Variants in DAGLA observed in about 807,000 individuals in gnomAD.
DAGLA encodes the protein diacylglycerol lipase-alpha.
DAGLA carries 22 observed loss-of-function variants against 102.6 expected under a neutral mutation model. The ratio of observed to expected loss-of-function variants is 0.21; its 90% CI spans 0.15 to 0.31. The LOEUF (loss-of-function observed/expected upper bound fraction) is 0.31. DAGLA is among the 10% of genes least tolerant of loss of function. The pLI, the probability that DAGLA is intolerant of heterozygous loss-of-function variation, is 1.00. For synonymous variants in DAGLA, 578 were observed against 628.9 expected, an observed-to-expected ratio of 0.92 and a Z score of 1.21; for missense variants, 927 against 1,446.6, an observed-to-expected ratio of 0.64 and a Z score of 5.83.
intron 7 of DAGLA, 101 bp from the exon 8 acceptor site, chr11:61,728,830 C>T: frequency 2.0e-6 from 2 of 1,013,282 alleles, no homozygotes; most frequent in South Asian, 2.7e-5. Flanking sequence ...GGCTTCTCGG[C>T]CTTTGGGAAG....
At chr11:61,737,836 C>A in intron 15 of DAGLA, 81 bp downstream of exon 15, 2 of 1,212,990 alleles carry the variant, frequency 1.6e-6, no homozygotes, top group Non-Finnish European at 2.4e-6. Context: ...CCAGCCCCCG[C>A]ATCTCTCTCA....
At chr11:61,685,269 G>A (rs75618234) in intron 1 of DAGLA, among the ~76,000 whole-genome samples, 1,592 of 152,238 alleles carry the variant, frequency 0.01, 13 homozygotes, top group Middle Eastern at 0.078. Context: ...TGCCTGGTGC[G>A]TAGAGAGATC....
At chr11:61,735,714 C>T in intron 11 of DAGLA, 25 bp from the exon 12 acceptor site, 1 of 1,613,240 alleles carries the variant, frequency 6.2e-7, no homozygotes, top group Non-Finnish European at 8.5e-7. Context: ...TAGCCGCCCC[C>T]TCACCTGTCT....
In DAGLA at chr11:61,726,767, C is replaced by T. The variant is rs73485449; in HGVS notation, c.636+685C>T. Among the ~76,000 whole-genome samples, 396 of 152,356 alleles carry T rather than the reference C, an allele frequency of 2.6e-3. 3 individuals are homozygous for T. Among genetic ancestry groups the T allele is most frequent in the African/African-American group, 9.3e-3 (387 of 41,590 alleles). Reference sequence around the variant, plus strand: ...AGCCAGTGAGGTCAGGAGACCACTCCTCCCTGAGGCAGACAGCAAAGTGCC... The same window carrying T: ...AGCCAGTGAGGTCAGGAGACCACTCTTCCCTGAGGCAGACAGCAAAGTGCC... On this transcript the variant is annotated intron_variant, in intron 6 of 19. Transcript: ENST00000257215.
intron 19 of DAGLA, among the ~76,000 whole-genome samples, chr11:61,742,284 C>G (rs1265197332): frequency 6.6e-6 from 1 of 152,148 alleles, no homozygotes; most frequent in Non-Finnish European, 1.5e-5. Flanking sequence ...TTCACACACT[C>G]TTTGAGGGGT....
In DAGLA at chr11:61,686,259, G is replaced by A. The variant is rs544339827; in HGVS notation, c.-45+5755G>A. Among the ~76,000 whole-genome samples the A allele has an allele frequency of 3.9e-5, 6 of 152,246 alleles. No homozygotes were observed. The East Asian group carries it at 9.6e-4, about 24-fold the overall frequency. On this transcript the variant is annotated intron_variant, in intron 1 of 19. Transcript: ENST00000257215. This position sits in a 1 kb window ranked among gnomAD's most constrained non-coding sequence, Gnocchi z 5.2. ...GGGCCAGGAAGCTGAGCTGGGCCTCGGAATCGCTGCCTAGAATGTGTTGCC... is the reference window on the plus strand; with the variant it reads ...GGGCCAGGAAGCTGAGCTGGGCCTCAGAATCGCTGCCTAGAATGTGTTGCC...
chr11:61,743,897 T>A lies in DAGLA; in HGVS notation c.2537T>A (p.Leu846Gln). ...SRTELLAADS[L>Q]SKHSQDTQPL... The stretch of plus-strand genomic sequence containing the variant: ...ACTGAGCTGCTGGCGGCCGACAGCC[T>A]GTCCAAGCACTCACAGGACACGCAG... Residue 846 changes from leucine to glutamine, a missense_variant, in exon 20 of 20, where the codon CTG becomes CAG. Around this residue, in one of 4 missense-constraint regions of DAGLA, gnomAD observed 434 missense variants for 503.3 expected, o/e 0.86. Transcript: ENST00000257215. 1 of 1,612,394 alleles carries A rather than the reference T, an allele frequency of 6.2e-7. No individual in the cohort carries two copies. The highest frequency in any genetic ancestry group is 8.5e-7 in the Non-Finnish European group (1 of 1,179,868).
intron 18 of DAGLA, 71 bp from the exon 19 acceptor site, chr11:61,741,091 G>A: frequency 1.4e-6 from 2 of 1,442,698 alleles, no homozygotes; most frequent in Non-Finnish European, 1.9e-6. Flanking sequence ...CTGGGCCCTG[G>A]CTCCACATCG....
chr11:61,737,471 C>G (rs942159637), intron 14 of DAGLA, 147 bp downstream of exon 14: 10 of 1,250,080 alleles, frequency 8.0e-6, no homozygotes, highest in Non-Finnish European at 6.8e-6. Context: ...GGTGGGGGCT[C>G]TGAAATGCCA....
At chr11:61,736,735 C>T (rs1224252431) in intron 13 of DAGLA, among the ~76,000 whole-genome samples, 5 of 152,208 alleles carry the variant, frequency 3.3e-5, no homozygotes, top group Admixed American at 2.0e-4. Context: ...CCACTGGCCA[C>T]GGTCTGTGCA....
chr11:61,723,586 C>G lies in DAGLA; in HGVS notation c.548+14C>G. 1.2e-6 allele frequency: 2 copies of G among 1,610,742 alleles called. No homozygotes were observed. The highest frequency in any genetic ancestry group is 1.7e-6 in the Non-Finnish European group (2 of 1,177,416). On this transcript the variant is annotated intron_variant, in intron 5 of 19. Coordinates refer to ENST00000257215, the MANE Select transcript of DAGLA (RefSeq NM_006133.3). ...CTACAACCTGCGGTCAGTCAGCGGG[C>G]TGGGTGGGCAGTCCCAGGGTGGGCT...
intron 19 of DAGLA, 108 bp downstream of exon 19, chr11:61,741,457 G>T: frequency 1.6e-6 from 2 of 1,245,114 alleles, no homozygotes; most frequent in Non-Finnish European, 2.2e-6. Flanking sequence ...CTCTGCACAC[G>T]TGCACAGGAG....
intron 1 of DAGLA, among the ~76,000 whole-genome samples, chr11:61,687,608 C>T (rs889149794): frequency 6.6e-6 from 1 of 152,244 alleles, no homozygotes; most frequent in African/African-American, 2.4e-5. Context: ...GTTGGGCTTA[C>T]AGGCATGAGC....
At chr11:61,714,986 T>C (rs553654499) in intron 1 of DAGLA, among the ~76,000 whole-genome samples, 1 of 152,308 alleles carries the variant, frequency 6.6e-6, no homozygotes, top group Non-Finnish European at 1.5e-5. Context: ...TGTTGACTGA[T>C]TTAACCCTCC....
intron 17 of DAGLA, 134 bp downstream of exon 17, chr11:61,739,795 A>T (rs2065461460): frequency 1.1e-6 from 1 of 891,356 alleles, no homozygotes; most frequent in African/African-American, 1.7e-5. Flanking sequence ...CAGGGCCTCC[A>T]TGGAGGGGTT....
chr11:61,735,444 A>G, intron 10 of DAGLA, 117 bp from the exon 11 acceptor site: 1 of 870,556 alleles, frequency 1.1e-6, no homozygotes, highest in Admixed American at 2.6e-5. Context: ...CTGGCGGCAG[A>G]GGCTCCGTGG....
At chr11:61,718,259 C>T (rs988053032) in intron 1 of DAGLA, among the ~76,000 whole-genome samples, 10 of 152,238 alleles carry the variant, frequency 6.6e-5, no homozygotes, top group Non-Finnish European at 1.2e-4. Flanking sequence ...GAGCAGGATG[C>T]GGCTCTACAG....
At chr11:61,719,820 G>A (rs2135580308) in intron 1 of DAGLA, among the ~76,000 whole-genome samples, 1 of 152,256 alleles carries the variant, frequency 6.6e-6, no homozygotes, top group Admixed American at 6.5e-5. Context: ...GTCTTTAATA[G>A]AGCTCAACAG....
chr11:61,690,048 G>C (rs1186166231), intron 1 of DAGLA, among the ~76,000 whole-genome samples: 1 of 152,182 alleles, frequency 6.6e-6, no homozygotes, highest in East Asian at 1.9e-4. Context: ...GGTCTGCAGA[G>C]CCCCAGCTGA....
Sources: gnomAD v4.1 joint callset for allele counts (sites outside exome capture counted in the v4.1 genomes callset) on GRCh38, gnomAD v4.1.1 for gene constraint, gnomAD v4.1.1 regional missense constraint, Gnocchi (gnomAD v3.1) non-coding constraint, MANE v1.5 for transcripts, NCBI Gene and HGNC (gene_info 2026-07-23, HGNC 2026-07-21) for gene names.